ACSBG2: variants seen among roughly 807,000 people sequenced by gnomAD.
ACSBG2 encodes long-chain-fatty-acid--CoA ligase ACSBG2.
In ACSBG2, 62 loss-of-function variants were observed where a neutral mutation model predicts 74.7. That is an observed-to-expected ratio of 0.83 (90% CI 0.68 to 1.03). The LOEUF is 1.03. ACSBG2 is among the 50% of genes least tolerant of loss of function. The probability of loss-of-function intolerance (pLI) is 0.00; values close to 1 mark genes in which losing one functional copy is unlikely to be tolerated. For missense variants in ACSBG2, 730 were observed against 817.6 expected, an observed-to-expected ratio of 0.89 and a Z score of 1.31; for synonymous variants, 309 against 294.1, an observed-to-expected ratio of 1.05 and a Z score of -0.52.
intron 5 of ACSBG2, among the ~76,000 whole-genome samples, chr19:6,160,219 T>C (rs1043627473): frequency 4.0e-5 from 6 of 151,516 alleles, no homozygotes; most frequent in Non-Finnish European, 8.8e-5. Context: ...TGAAACCCCA[T>C]CTCTACTAAA....
intron 5 of ACSBG2, 135 bp downstream of exon 5, chr19:6,156,686 C>A: frequency 1.1e-6 from 1 of 912,376 alleles, no homozygotes; most frequent in Non-Finnish European, 1.5e-6. Flanking sequence ...TCCTCCATGA[C>A]CTCATTAGTA....
intron 2 of ACSBG2, among the ~76,000 whole-genome samples, chr19:6,146,048 T>G (rs765261015): frequency 1.3e-5 from 2 of 152,228 alleles, no homozygotes; most frequent in Admixed American, 1.3e-4. Flanking sequence ...GTCCACTGCA[T>G]GTACATTTTA....
chr19:6,172,781 G>A (rs147303639), intron 7 of ACSBG2, among the ~76,000 whole-genome samples: 115 of 152,252 alleles, frequency 7.6e-4, no homozygotes, highest in African/African-American at 2.6e-3. Flanking sequence ...TTAAAAGTTA[G>A]AACCAGCAGG....
chr19:6,165,478 G>A (rs915523394), intron 6 of ACSBG2, among the ~76,000 whole-genome samples: 3 of 152,346 alleles, frequency 2.0e-5, no homozygotes, highest in African/African-American at 7.2e-5. Context: ...GTAGAGTGGG[G>A]AGTGGAATTT....
intron 7 of ACSBG2, among the ~76,000 whole-genome samples, chr19:6,170,481 CTTCT>C (rs2089935651): frequency 6.6e-6 from 1 of 152,062 alleles, no homozygotes; most frequent in African/African-American, 2.4e-5. Flanking sequence ...GTTTTTATTG[CTTCT>C]TTAATTTGTT....
chr19:6,163,082 C>T (rs1166230303), intron 6 of ACSBG2, among the ~76,000 whole-genome samples: 1 of 150,158 alleles, frequency 6.7e-6, no homozygotes, highest in Non-Finnish European at 1.5e-5. Context: ...CGAGACTAGC[C>T]TGGCCAACAT....
chr19:6,165,921 T>C lies in ACSBG2; in HGVS notation c.644T>C (p.Val215Ala). The change falls in exon 7 of 15, where the codon GTC becomes GCC. Residue 215 changes from valine (V) to alanine (A), a missense_variant. Physicochemically the swap from Val to Ala is moderately conservative, Grantham distance 64 (BLOSUM62 0). Transcript: ENST00000588485. ...ATCCCTGACACCCAACTGGAGCAGG[T>C]CATCGAGAGCCAGAAGGCGAATCAA... Reference protein sequence around the residue: ...RSIPDTQLEQVIESQKANQCA... With the variant: ...RSIPDTQLEQAIESQKANQCA... 6.2e-7 allele frequency: 1 copy of C among 1,614,120 alleles called. No individual in the cohort carries two copies. The highest frequency in any genetic ancestry group is 8.5e-7 in the Non-Finnish European group (1 of 1,180,006).
chr19:6,185,211 GCCA>G (rs2090372718), intron 10 of ACSBG2, among the ~76,000 whole-genome samples: 1 of 152,136 alleles, frequency 6.6e-6, no homozygotes, highest in Admixed American at 6.6e-5. Flanking sequence ...ACAGGTGTGA[GCCA>G]CCACACCTGG....
intron 12 of ACSBG2, 29 bp from the exon 13 acceptor site, chr19:6,187,570 T>C: frequency 6.2e-7 from 1 of 1,613,050 alleles, no homozygotes; most frequent in Non-Finnish European, 8.5e-7. Context: ...TCAAGGAGCA[T>C]GGGTGGTGAC....
intron 11 of ACSBG2, 69 bp downstream of exon 11, chr19:6,185,722 G>T: frequency 6.5e-7 from 1 of 1,549,222 alleles, no homozygotes; most frequent in Non-Finnish European, 8.8e-7. Flanking sequence ...AGGGCCCAGG[G>T]TACCAGCACG....
chr19:6,168,293 G>T (rs2089868583), intron 7 of ACSBG2, among the ~76,000 whole-genome samples: 1 of 152,128 alleles, frequency 6.6e-6, no homozygotes, highest in South Asian at 2.1e-4. Context: ...CACACAGCTT[G>T]TTCCCTCCCC....
intron 11 of ACSBG2, among the ~76,000 whole-genome samples, chr19:6,186,274 ACT>A (rs1423761020): frequency 5.9e-5 from 9 of 152,156 alleles, no homozygotes; most frequent in African/African-American, 2.2e-4. Flanking sequence ...TAGCTTCTCA[ACT>A]CTGTGATTTG....
intron 7 of ACSBG2, among the ~76,000 whole-genome samples, chr19:6,168,655 G>A (rs972646467): frequency 1.6e-4 from 24 of 152,184 alleles, no homozygotes; most frequent in Non-Finnish European, 2.4e-4. Context: ...GGCTGCATGT[G>A]TGGTAAGACA....
intron 8 of ACSBG2, among the ~76,000 whole-genome samples, chr19:6,179,593 A>G (rs139388747): frequency 1.3e-5 from 2 of 152,212 alleles, no homozygotes; most frequent in African/African-American, 4.8e-5. Context: ...ATGAACAGAA[A>G]CTTAGTGACT....
chr19:6,166,042 G>A, intron 7 of ACSBG2, 27 bp downstream of exon 7: 2 of 1,612,692 alleles, frequency 1.2e-6, no homozygotes, highest in South Asian at 1.1e-5. Flanking sequence ...TTGCTCTGGA[G>A]TGGTGGCCTT....
chr19:6,136,104 C>A (rs2088551901), intron 1 of ACSBG2, among the ~76,000 whole-genome samples, 195 bp downstream of exon 1: 1 of 145,454 alleles, frequency 6.9e-6, no homozygotes, highest in Non-Finnish European at 1.5e-5. Flanking sequence ...CCATGTCCAG[C>A]TAATTTTTTT....
intron 7 of ACSBG2, among the ~76,000 whole-genome samples, chr19:6,168,602 C>G (rs769185524): frequency 2.1e-4 from 32 of 152,258 alleles, no homozygotes; most frequent in Admixed American, 1.2e-3. Context: ...TCTGATTAAA[C>G]AGGATATTCC....
intron 1 of ACSBG2, among the ~76,000 whole-genome samples, chr19:6,140,795 GCTT>G (rs1599982498): frequency 6.6e-6 from 1 of 151,476 alleles, no homozygotes; most frequent in East Asian, 1.9e-4. Flanking sequence ...AATATTGTCA[GCTT>G]TTTTGATCTT....
intron 5 of ACSBG2, 48 bp from the exon 6 acceptor site, chr19:6,161,167 T>C: frequency 2.0e-6 from 3 of 1,535,240 alleles, no homozygotes; most frequent in South Asian, 1.1e-5. Flanking sequence ...AGCTTTAGTC[T>C]TTCCCAGGGC....
Sources: allele counts gnomAD v4.1 joint callset (sites outside exome capture counted in the v4.1 genomes callset), GRCh38; gene constraint gnomAD v4.1.1; transcripts MANE v1.5; gene names NCBI Gene and HGNC (gene_info 2026-07-23, HGNC 2026-07-21).